Variants in SPEF2 observed in about 807,000 individuals in gnomAD.
SPEF2 encodes the protein sperm flagella and cilia-associated protein 2.
SPEF2 carries 187 observed loss-of-function variants against 224.6 expected under a neutral mutation model. That is an observed-to-expected ratio of 0.83 (90% CI 0.74 to 0.94). SPEF2 has a LOEUF of 0.94. Ranked by LOEUF, SPEF2 falls within the 40% of genes least tolerant of loss-of-function variation. The probability of loss-of-function intolerance (pLI) is 0.00; values close to 1 mark genes in which losing one functional copy is unlikely to be tolerated. For synonymous variants in SPEF2, 715 were observed against 707.3 expected, an observed-to-expected ratio of 1.01 and a Z score of -0.17; for missense variants, 2,170 against 2,135.6, an observed-to-expected ratio of 1.02 and a Z score of -0.32.
intron 23 of SPEF2, among the ~76,000 whole-genome samples, chr5:35,743,012 A>G (rs1747919667): frequency 6.6e-6 from 1 of 151,462 alleles, no homozygotes; most frequent in South Asian, 2.1e-4. Flanking sequence ...TAGGAATCTC[A>G]TTTTATTTTT....
intron 9 of SPEF2, among the ~76,000 whole-genome samples, chr5:35,667,731 A>G (rs1409307601): frequency 6.6e-6 from 1 of 152,174 alleles, no homozygotes; most frequent in Admixed American, 6.6e-5. Flanking sequence ...AGATGAAAGG[A>G]TGTATAGAAT....
intron 20 of SPEF2, among the ~76,000 whole-genome samples, chr5:35,715,399 A>T (rs895873222): frequency 7.2e-5 from 11 of 152,084 alleles, no homozygotes; most frequent in Non-Finnish European, 1.2e-4. Flanking sequence ...AAAGTCCTCC[A>T]CAACTTAACA....
At chr5:35,625,662 A>C (rs2149362938) in intron 1 of SPEF2, among the ~76,000 whole-genome samples, 1 of 152,344 alleles carries the variant, frequency 6.6e-6, no homozygotes, top group Admixed American at 6.5e-5. Context: ...GTGGCTCTTT[A>C]GAAAACTAAG....
intron 2 of SPEF2, among the ~76,000 whole-genome samples, chr5:35,637,631 C>T (rs1310720909): frequency 6.6e-6 from 1 of 151,872 alleles, no homozygotes; most frequent in Non-Finnish European, 1.5e-5. Flanking sequence ...CCCTTTTTTG[C>T]TAATCCCATC....
chr5:35,634,502 C>A (rs1250468426), intron 2 of SPEF2, among the ~76,000 whole-genome samples: 1 of 150,118 alleles, frequency 6.7e-6, no homozygotes, highest in Non-Finnish European at 1.5e-5. Context: ...TAACCTACTG[C>A]AGTTCATTGA....
chr5:35,798,982 A>G (rs929876540), intron 33 of SPEF2, among the ~76,000 whole-genome samples: 2 of 152,188 alleles, frequency 1.3e-5, no homozygotes, highest in South Asian at 2.1e-4. Context: ...ATCTTCATTT[A>G]TGCCTAGTTA....
intron 20 of SPEF2, among the ~76,000 whole-genome samples, chr5:35,719,515 A>G (rs1743219254): frequency 6.6e-6 from 1 of 152,198 alleles, no homozygotes; most frequent in Non-Finnish European, 1.5e-5. Flanking sequence ...TTTAAAGCCA[A>G]GCCCAACCAT....
intron 10 of SPEF2, among the ~76,000 whole-genome samples, chr5:35,674,334 C>CTTT (rs1208992808): frequency 1.5e-5 from 1 of 65,000 alleles, no homozygotes; most frequent in African/African-American, 6.3e-5. Context: ...CTCTTTTCGT[C>CTTT]TTCTTTTTTT....
chr5:35,708,887 A>G, intron 18 of SPEF2, 61 bp from the exon 19 acceptor site: 1 of 1,423,196 alleles, frequency 7.0e-7, no homozygotes, highest in Non-Finnish European at 9.6e-7. Flanking sequence ...CTCTTAGTTC[A>G]AGTGAAATAG....
chr5:35,710,862 C>T, intron 19 of SPEF2: 1 of 985,238 alleles, frequency 1.0e-6, no homozygotes, highest in African/African-American at 1.7e-5. Context: ...AGTGGTTGTA[C>T]TTGTCTTTTT....
At chr5:35,790,697 G>T (rs1755828040) in intron 30 of SPEF2, 2 of 182,344 alleles carry the variant, frequency 1.1e-5, no homozygotes, top group African/African-American at 4.7e-5. Context: ...TATGATTACG[G>T]TCTGAGTTCC....
At chr5:35,796,348 C>T (rs1561379010) in intron 33 of SPEF2, among the ~76,000 whole-genome samples, 1 of 152,288 alleles carries the variant, frequency 6.6e-6, no homozygotes, top group East Asian at 1.9e-4. Flanking sequence ...TGGCTCACGC[C>T]TGTAATCCCA....
At chr5:35,694,448 C>A in intron 13 of SPEF2, 85 bp downstream of exon 13, 1 of 1,238,780 alleles carries the variant, frequency 8.1e-7, no homozygotes, top group South Asian at 1.4e-5. Context: ...AACATGCTTT[C>A]AGGGAAATAA....
rs377470042 is a variant in SPEF2 at position 35,697,738 on chromosome 5, A to G, written c.2086A>G (p.Lys696Glu). ...TGCAAAATCAGAACAGTTGCTGAAG[A>G]AAGGAAAGAGCATTCCTGATGTGCT... Reference protein sequence around the residue: ...LGAKSEQLLKKGKSIPDVLLV... With the variant: ...LGAKSEQLLKEGKSIPDVLLV... The change falls in exon 15 of 37, where the codon AAA becomes GAA. Residue 696 changes from lysine to glutamate, a missense_variant. Physicochemically the swap from Lys to Glu is moderately conservative, Grantham distance 56. Transcript: ENST00000356031. 181 of 1,613,384 alleles carry G rather than the reference A, an allele frequency of 1.1e-4. No individual in the cohort carries two copies. The highest frequency in any genetic ancestry group is 1.5e-4 in the Non-Finnish European group (178 of 1,179,664).
In SPEF2 at chr5:35,779,322, C is replaced by A; in HGVS notation, c.4423C>A (p.Gln1475Lys). ...TIEQLDSLRD[Q>K]FLDMAPKGII... ...TGAACAGCTTGACAGTCTTCGAGAT[C>A]AGTTCTTAGATATGGCACCTAAAGG... Residue 1475 changes from glutamine to lysine, a missense_variant, in exon 30 of 37, where the codon CAG (glutamine) becomes AAG (lysine). Gln to Lys is a moderately conservative substitution (Grantham distance 53, BLOSUM62 1). Transcript: ENST00000356031. The A allele has an allele frequency of 3.7e-6, 6 of 1,611,044 alleles. No homozygotes were observed. The highest frequency in any genetic ancestry group is 5.1e-6 in the Non-Finnish European group (6 of 1,178,980).
rs1254931830 is a variant in SPEF2 at position 35,776,268 on chromosome 5, C to G, written c.4090C>G (p.Gln1364Glu). Reference protein sequence around the residue: ...AALQFEEIATQFRLELIKTKA... With the variant: ...AALQFEEIATEFRLELIKTKA... Reference sequence around the variant, plus strand: ...CTCTTTGCAAATAGAAATAGCCACGCAATTTCGACTTGAACTGATAAAGAC... The same window carrying G: ...CTCTTTGCAAATAGAAATAGCCACGGAATTTCGACTTGAACTGATAAAGAC... Residue 1364 changes from glutamine (Q) to glutamate (E), a missense_variant, in exon 29 of 37, where the codon CAA (glutamine) becomes GAA (glutamate). Transcript: ENST00000356031. 1 of 1,604,196 alleles carries G rather than the reference C, an allele frequency of 6.2e-7. No homozygotes were observed. Among genetic ancestry groups the G allele is most frequent in the Non-Finnish European group, 8.5e-7 (1 of 1,176,962 alleles).
chr5:35,661,965 T>A (rs1749805379), intron 8 of SPEF2, among the ~76,000 whole-genome samples: 1 of 152,120 alleles, frequency 6.6e-6, no homozygotes, highest in Non-Finnish European at 1.5e-5. Flanking sequence ...CTGGGTTGAG[T>A]GGTATTTCTG....
chr5:35,720,740 C>T (rs952390461), intron 20 of SPEF2, among the ~76,000 whole-genome samples: 1 of 151,896 alleles, frequency 6.6e-6, no homozygotes, highest in African/African-American at 2.4e-5. Context: ...CAAGATATAA[C>T]CTAAAGAAGA....
intron 34 of SPEF2, among the ~76,000 whole-genome samples, chr5:35,802,706 C>A (rs558409855): frequency 6.6e-6 from 1 of 152,250 alleles, no homozygotes; most frequent in South Asian, 2.1e-4. Context: ...ACAGTGAGTG[C>A]AAAAGCAGCC....
Sources: allele counts gnomAD v4.1 joint callset (sites outside exome capture counted in the v4.1 genomes callset), GRCh38; gene constraint gnomAD v4.1.1; transcripts MANE v1.5; gene names NCBI Gene and HGNC (gene_info 2026-07-23, HGNC 2026-07-21).